GSTCD: variants seen among roughly 807,000 people sequenced by gnomAD.
GSTCD encodes glutathione S-transferase C-terminal domain containing.
GSTCD carries 44 observed loss-of-function variants against 68.3 expected under a neutral mutation model. That is an observed-to-expected ratio of 0.64 (90% confidence interval 0.51 to 0.83). The LOEUF (loss-of-function observed/expected upper bound fraction) is 0.83. Ranked by LOEUF, GSTCD falls within the 40% of genes least tolerant of loss-of-function variation. GSTCD has a pLI of 0.00. For synonymous variants in GSTCD, 273 were observed against 255.2 expected, an observed-to-expected ratio of 1.07 and a Z score of -0.67; for missense variants, 739 against 735.9, an observed-to-expected ratio of 1.00 and a Z score of -0.05.
chr4:105,775,976 AG>A (rs918388662), intron 5 of GSTCD, among the ~76,000 whole-genome samples: 1 of 152,204 alleles, frequency 6.6e-6, no homozygotes, highest in African/African-American at 2.4e-5. Flanking sequence ...GCTCTGTCCC[AG>A]GGAGATGGGA....
chr4:105,839,621 A>G (rs937389766), intron 10 of GSTCD, among the ~76,000 whole-genome samples: 5 of 152,124 alleles, frequency 3.3e-5, no homozygotes, highest in African/African-American at 9.7e-5. Context: ...AGCCCGGGTG[A>G]GAGAGTGATA....
chr4:105,743,000 AGTGCAGTGCCGC>A (rs1733680827), intron 5 of GSTCD, among the ~76,000 whole-genome samples: 2 of 149,776 alleles, frequency 1.3e-5, no homozygotes. Context: ...CCCAGGCTAG[AGTGCAGTGCCGC>A]GATCTCAGCT....
intron 5 of GSTCD, among the ~76,000 whole-genome samples, chr4:105,742,657 T>C (rs1267619611): frequency 6.6e-6 from 1 of 152,142 alleles, no homozygotes; most frequent in Non-Finnish European, 1.5e-5. Context: ...AATTAATTAC[T>C]GCCTCTTGAT....
intron 8 of GSTCD, among the ~76,000 whole-genome samples, chr4:105,829,200 A>AG (rs1723794733): frequency 6.6e-6 from 1 of 151,518 alleles, no homozygotes; most frequent in African/African-American, 2.4e-5. Flanking sequence ...AAAAAAAAAA[A>AG]AAAAAAAGAA....
intron 7 of GSTCD, among the ~76,000 whole-genome samples, chr4:105,824,801 A>C (rs1348867734): frequency 6.6e-6 from 1 of 152,096 alleles, no homozygotes; most frequent in Non-Finnish European, 1.5e-5. Flanking sequence ...TACTATCACC[A>C]TGACACACAT....
intron 8 of GSTCD, among the ~76,000 whole-genome samples, chr4:105,826,580 A>G (rs775329859): frequency 1.3e-5 from 2 of 152,104 alleles, no homozygotes. Context: ...AGTTTTTTAT[A>G]TTTATGCACG....
At chr4:105,759,706 A>G (rs922219498) in intron 5 of GSTCD, among the ~76,000 whole-genome samples, 6 of 152,228 alleles carry the variant, frequency 3.9e-5, no homozygotes, top group African/African-American at 1.2e-4. Flanking sequence ...TGTGACCACC[A>G]TGAGTCATCA....
At chr4:105,758,615 TA>T (rs1394344982) in intron 5 of GSTCD, among the ~76,000 whole-genome samples, 1 of 152,196 alleles carries the variant, frequency 6.6e-6, no homozygotes, top group Non-Finnish European at 1.5e-5. Context: ...GCAAGCCAAT[TA>T]AATCTCTTTT....
At chr4:105,795,712 C>T (rs1468733652) in intron 5 of GSTCD, among the ~76,000 whole-genome samples, 2 of 152,152 alleles carry the variant, frequency 1.3e-5, no homozygotes, top group African/African-American at 2.4e-5. Context: ...TTCTCAGCTC[C>T]AGCCAGTTGT....
intron 3 of GSTCD, among the ~76,000 whole-genome samples, chr4:105,723,919 G>T (rs1271779501): frequency 3.3e-5 from 5 of 151,732 alleles, no homozygotes; most frequent in Admixed American, 1.3e-4. Context: ...ACTCAACAGG[G>T]TATTATTTGC....
In GSTCD at chr4:105,842,104, G is replaced by A. The variant is rs766013167; in HGVS notation, c.1735G>A (p.Val579Ile). The change falls in exon 11 of 12, where the codon GTC becomes ATC. Residue 579 changes from valine (V) to isoleucine (I), a missense_variant. By Grantham distance (29) the Val-to-Ile change is conservative. Transcript: ENST00000515279. ...ILCRFADQTA[V>I]QLPPQRRLIG... is the part of the protein sequence containing the mutation. ...GTGCAGATTTGCAGACCAGACAGCT[G>A]TCCAGCTCCCACCCCAACGAAGGCT... 5.0e-6 allele frequency: 8 copies of A among 1,613,866 alleles called. No homozygotes were observed. In the South Asian group the frequency reaches 7.7e-5, roughly 16 times the overall value.
chr4:105,837,551 G>C (rs916917486), intron 9 of GSTCD, among the ~76,000 whole-genome samples: 6 of 152,104 alleles, frequency 3.9e-5, no homozygotes, highest in African/African-American at 1.4e-4. Flanking sequence ...GTGCACATCT[G>C]AATAACAGTA....
chr4:105,810,519 A>G (rs1722709581), intron 5 of GSTCD, among the ~76,000 whole-genome samples: 1 of 152,108 alleles, frequency 6.6e-6, no homozygotes. Context: ...GTATCCAGAA[A>G]TGTTAAATTT....
chr4:105,722,641 T>A (rs1358137072), intron 3 of GSTCD, among the ~76,000 whole-genome samples: 3 of 152,146 alleles, frequency 2.0e-5, no homozygotes, highest in African/African-American at 7.2e-5. Context: ...AGATGCAACA[T>A]CTTGCTTCTC....
At position 105,731,699 on chromosome 4, in the gene GSTCD, G is replaced by A. The variant is rs577779599; in HGVS notation, c.1240+2200G>A. Among the ~76,000 whole-genome samples the A allele has an allele frequency of 3.3e-5, 5 of 151,192 alleles. No individual in the cohort carries two copies. The South Asian group carries it at 6.2e-4, about 19-fold the overall frequency. ...CAGGGACAATTTCTTTCTCCTGCCT[G>A]ATTGCCCTGGCCAGAACTTCCAACA... is the stretch of plus-strand genomic sequence containing the variant. On this transcript the variant is annotated intron_variant, in intron 5 of 11. Coordinates refer to ENST00000515279, the MANE Select transcript of GSTCD (RefSeq NM_001370181.1).
At chr4:105,709,965 GT>G (rs142497611) in intron 1 of GSTCD, among the ~76,000 whole-genome samples, 6 of 150,622 alleles carry the variant, frequency 4.0e-5, no homozygotes, top group Non-Finnish European at 5.9e-5. Context: ...AGCTATGCGG[GT>G]TTTTTTTTCT....
At chr4:105,772,557 T>C (rs1734893173) in intron 5 of GSTCD, among the ~76,000 whole-genome samples, 1 of 152,244 alleles carries the variant, frequency 6.6e-6, no homozygotes, top group South Asian at 2.1e-4. Flanking sequence ...TTGAGTGTTT[T>C]TAGCATGAAG....
chr4:105,791,684 C>T (rs945815245), intron 5 of GSTCD, among the ~76,000 whole-genome samples: 3 of 152,036 alleles, frequency 2.0e-5, no homozygotes, highest in Admixed American at 6.6e-5. Context: ...ACCATGAGAA[C>T]AGACACTTTT....
Position 105,845,926 on chromosome 4 carries a change from G to A in GSTCD, c.*349G>A, listed in dbSNP as rs376113348. ...AATGTGATGTTTAATTCAAAACAGC[G>A]CACTTACAGCCTTTATTTTATACTT... On this transcript the variant is annotated 3_prime_UTR_variant, in exon 12 of 12. Coordinates refer to ENST00000515279, the MANE Select transcript of GSTCD (RefSeq NM_001370181.1). 4 of 203,212 alleles carry A rather than the reference G, an allele frequency of 2.0e-5. No homozygotes were observed. Among genetic ancestry groups the A allele is most frequent in the South Asian group, 2.5e-4 (2 of 7,882 alleles). 12.6% of individuals were successfully genotyped at this position (203,212 alleles called of 1,614,324 possible).
Sources: gnomAD v4.1 joint callset for allele counts (sites outside exome capture counted in the v4.1 genomes callset) on GRCh38, gnomAD v4.1.1 for gene constraint, MANE v1.5 for transcripts, NCBI Gene and HGNC (gene_info 2026-07-23, HGNC 2026-07-21) for gene names.